The following MAF variants were observed in gnomAD, a reference collection of about 807,000 sequenced individuals.
MAF encodes the protein transcription factor Maf.
Under a neutral mutation model 22.0 loss-of-function variants are expected in MAF, and 10 were observed. That is an observed-to-expected ratio of 0.45 (90% CI 0.28 to 0.77). The LOEUF (loss-of-function observed/expected upper bound fraction) is 0.77. Among genes scored for constraint, MAF ranks in the 30% least tolerant of loss-of-function variants. The pLI is 0.12. For missense variants in MAF, 544 were observed against 548.4 expected, an observed-to-expected ratio of 0.99 and a Z score of 0.08; for synonymous variants, 337 against 255.8, an observed-to-expected ratio of 1.32 and a Z score of -3.03.
At chr16:79,535,771 G>A in the MAF span, among the ~76,000 whole-genome samples, 1 of 151,612 alleles carries the variant, frequency 6.6e-6, no homozygotes, top group African/African-American at 2.4e-5. Context: ...CTAAGAGAAA[G>A]GGTTTCACAG....
At chr16:79,381,556 C>T in the MAF span, among the ~76,000 whole-genome samples, 16 of 152,136 alleles carry the variant, frequency 1.1e-4, no homozygotes, top group Admixed American at 2.6e-4. Flanking sequence ...AAGATTAGAG[C>T]CCTAGATTCT....
At chr16:79,499,183 G>A in the MAF span, among the ~76,000 whole-genome samples, 2 of 152,174 alleles carry the variant, frequency 1.3e-5, no homozygotes, top group African/African-American at 4.8e-5. Flanking sequence ...TGTGAAGTAT[G>A]ACAGCAAGCA....
chr16:79,259,196 T>C, the MAF span, among the ~76,000 whole-genome samples: 1 of 152,078 alleles, frequency 6.6e-6, no homozygotes, highest in African/African-American at 2.4e-5. Context: ...TGACTTACCT[T>C]CTCCCTTCCT....
chr16:79,465,597 T>C, the MAF span, among the ~76,000 whole-genome samples: 1 of 152,124 alleles, frequency 6.6e-6, no homozygotes, highest in Non-Finnish European at 1.5e-5. Context: ...GAGACCCTGT[T>C]TCAAAAACAA....
chr16:79,394,351 C>A, the MAF span, among the ~76,000 whole-genome samples: 1 of 152,182 alleles, frequency 6.6e-6, no homozygotes, highest in Non-Finnish European at 1.5e-5. Flanking sequence ...ACCCTGTTTA[C>A]AAGTGATTTC....
the MAF span, among the ~76,000 whole-genome samples, chr16:79,511,878 C>T: frequency 6.6e-6 from 1 of 152,152 alleles, no homozygotes; most frequent in Non-Finnish European, 1.5e-5. Flanking sequence ...ACATATTTAC[C>T]TCTGCTTCGG....
At chr16:79,582,937 G>C (rs1380798465), downstream of MAF, among the ~76,000 whole-genome samples, 1 of 152,188 alleles carries the variant, frequency 6.6e-6, no homozygotes, top group Non-Finnish European at 1.5e-5. Context: ...TTCAAATAGA[G>C]GCACCAAGAA....
chr16:79,293,389 C>A, the MAF span, among the ~76,000 whole-genome samples: 1 of 152,144 alleles, frequency 6.6e-6, no homozygotes, highest in East Asian at 1.9e-4. Context: ...TTTCTGGAAA[C>A]AGAGAAGAGA....
At chr16:79,452,109 A>G in the MAF span, among the ~76,000 whole-genome samples, 1 of 152,242 alleles carries the variant, frequency 6.6e-6, no homozygotes, top group African/African-American at 2.4e-5. Flanking sequence ...TGCTACAGTG[A>G]CAGAATCGAG....
chr16:79,346,221 C>T, the MAF span, among the ~76,000 whole-genome samples: 3 of 148,804 alleles, frequency 2.0e-5, no homozygotes, highest in African/African-American at 7.5e-5. Context: ...ATGTTCCCCA[C>T]CCTGTGTCCA....
chr16:79,514,432 G>C, the MAF span, among the ~76,000 whole-genome samples: 1 of 152,160 alleles, frequency 6.6e-6, no homozygotes, highest in Non-Finnish European at 1.5e-5. Flanking sequence ...TCACAGAATG[G>C]GTGCAAATAT....
chr16:79,344,852 T>C, the MAF span, among the ~76,000 whole-genome samples: 4 of 152,188 alleles, frequency 2.6e-5, no homozygotes. Context: ...CGATTTGAAA[T>C]GTAGCCTTCC....
the MAF span, among the ~76,000 whole-genome samples, chr16:79,555,551 C>T: frequency 6.6e-6 from 1 of 152,138 alleles, no homozygotes; most frequent in African/African-American, 2.4e-5. Flanking sequence ...TGGAAAGATA[C>T]CTGCAATACC....
chr16:79,544,665 T>C, the MAF span, among the ~76,000 whole-genome samples: 1 of 150,282 alleles, frequency 6.7e-6, no homozygotes, highest in African/African-American at 2.4e-5. Context: ...TCCCAGCTAC[T>C]CGGGAGGCTG....
At chr16:79,466,809 C>T in the MAF span, among the ~76,000 whole-genome samples, 3 of 152,178 alleles carry the variant, frequency 2.0e-5, no homozygotes, top group African/African-American at 4.8e-5. Flanking sequence ...ATTTAAGATC[C>T]ATTATTACTC....
At chr16:79,516,495 T>C in the MAF span, among the ~76,000 whole-genome samples, 4 of 152,180 alleles carry the variant, frequency 2.6e-5, no homozygotes, top group Non-Finnish European at 5.9e-5. Context: ...GGCTCAGAGA[T>C]GTTAAGTAAA....
At chr16:79,538,724 G>A in the MAF span, among the ~76,000 whole-genome samples, 1 of 152,060 alleles carries the variant, frequency 6.6e-6, no homozygotes, top group Non-Finnish European at 1.5e-5. Flanking sequence ...TACTCAGGAG[G>A]CTGAGGCAGG....
At chr16:79,523,853 C>T in the MAF span, among the ~76,000 whole-genome samples, 3 of 152,270 alleles carry the variant, frequency 2.0e-5, no homozygotes, top group East Asian at 5.8e-4. Context: ...TTCATTAGGT[C>T]AATAACAGCC....
chr16:79,521,276 C>T, the MAF span, among the ~76,000 whole-genome samples: 2 of 152,124 alleles, frequency 1.3e-5, no homozygotes, highest in Non-Finnish European at 2.9e-5. Context: ...TTAATGGCAC[C>T]CCAAGGGGGT....
Sources: allele counts gnomAD v4.1 joint callset (sites outside exome capture counted in the v4.1 genomes callset), GRCh38; gene constraint gnomAD v4.1.1; transcripts MANE v1.5; gene names NCBI Gene and HGNC (gene_info 2026-07-23, HGNC 2026-07-21).